CRPPA: variants seen among roughly 807,000 people sequenced by gnomAD.
CRPPA encodes CDP-L-ribitol pyrophosphorylase A, also known as D-ribitol-5-phosphate cytidylyltransferase.
In CRPPA, 43 loss-of-function variants were observed where a neutral mutation model predicts 52.0. The observed-to-expected ratio is 0.83, with a 90% CI of 0.65 to 1.07. The LOEUF is 1.07. Ranked by LOEUF, CRPPA falls within the 50% of genes least tolerant of loss-of-function variation. The pLI is 0.00. For missense variants in CRPPA, 629 were observed against 551.7 expected, an observed-to-expected ratio of 1.14 and a Z score of -1.40; for synonymous variants, 250 against 203.5, an observed-to-expected ratio of 1.23 and a Z score of -1.94.
intron 5 of CRPPA, among the ~76,000 whole-genome samples, chr7:16,279,836 T>A (rs1435422509): frequency 6.6e-6 from 1 of 152,198 alleles, no homozygotes. Context: ...GCTATATTAG[T>A]TTGTTTTCAC....
intron 1 of CRPPA, among the ~76,000 whole-genome samples, chr7:16,412,111 G>A (rs189586654): frequency 6.6e-6 from 1 of 152,106 alleles, no homozygotes; most frequent in Non-Finnish European, 1.5e-5. Flanking sequence ...AAAACAGCCA[G>A]AGTAGATGTA....
intron 9 of CRPPA, among the ~76,000 whole-genome samples, chr7:16,110,018 G>A (rs944590284): frequency 1.6e-4 from 25 of 151,796 alleles, no homozygotes; most frequent in South Asian, 2.1e-4. Flanking sequence ...CACTGTTTGC[G>A]GATGACATGA....
intron 6 of CRPPA, among the ~76,000 whole-genome samples, chr7:16,267,310 G>A (rs983248502): frequency 3.9e-5 from 6 of 152,260 alleles, no homozygotes; most frequent in South Asian, 2.1e-4. Flanking sequence ...TGTATTTCTC[G>A]AATTTCAATG....
At chr7:16,400,759 T>C (rs1787795277) in intron 2 of CRPPA, among the ~76,000 whole-genome samples, 1 of 152,238 alleles carries the variant, frequency 6.6e-6, no homozygotes, top group African/African-American at 2.4e-5. Context: ...ATGACCAATA[T>C]GTGTGATGGA....
chr7:16,302,893 T>G (rs1784820735), intron 4 of CRPPA, among the ~76,000 whole-genome samples: 1 of 152,136 alleles, frequency 6.6e-6, no homozygotes, highest in African/African-American at 2.4e-5. Context: ...AGACTACTGA[T>G]CATGCTAACA....
chr7:16,277,364 C>CAAAAAAAAAAAAAAAAAAAAAAAAAAA (rs35386502), intron 6 of CRPPA: 1 of 77,740 alleles, frequency 1.3e-5, no homozygotes, highest in African/African-American at 5.0e-5. Flanking sequence ...GACTCCATCT[C>CAAAAAAAAAAAAAAAAAAAAAAAAAAA]AAAAAAAAAA....
In CRPPA at chr7:16,096,766, C is replaced by A. The variant is rs142567156; in HGVS notation, c.1252-4967G>T. On this transcript the variant is annotated intron_variant, in intron 9 of 9. Transcript: ENST00000407010. The stretch of plus-strand genomic sequence containing the variant: ...CCAGCTTCACTCTTTTTCTTGGTTA[C>A]AACTATATTATAGCAAAAATAGAGA... 8.0e-4 allele frequency among the ~76,000 whole-genome samples: 122 copies of A among 152,102 alleles called. 2 individuals carry two copies. In the East Asian group the frequency reaches 0.021, roughly 26 times the overall value.
intron 5 of CRPPA, among the ~76,000 whole-genome samples, chr7:16,279,635 A>T (rs890058516): frequency 2.6e-5 from 4 of 152,246 alleles, no homozygotes; most frequent in African/African-American, 9.6e-5. Flanking sequence ...ACTGGAGACA[A>T]GATCAGATAA....
intron 9 of CRPPA, among the ~76,000 whole-genome samples, chr7:16,211,892 G>T (rs1782155325): frequency 6.6e-6 from 1 of 152,130 alleles, no homozygotes; most frequent in South Asian, 2.1e-4. Flanking sequence ...AAGAACAATT[G>T]TACTTACGTC....
At chr7:16,245,000 G>A (rs1469886632) in intron 8 of CRPPA, among the ~76,000 whole-genome samples, 2 of 151,346 alleles carry the variant, frequency 1.3e-5, no homozygotes, top group Non-Finnish European at 2.9e-5. Flanking sequence ...CACTCCTTTT[G>A]ACCATTCTTT....
At chr7:16,315,247 A>C (rs762790772) in intron 3 of CRPPA, among the ~76,000 whole-genome samples, 3 of 152,090 alleles carry the variant, frequency 2.0e-5, no homozygotes, top group Non-Finnish European at 2.9e-5. Flanking sequence ...CTCTGCTTAC[A>C]CTGCCTACAT....
At chr7:16,216,002 T>C (rs975348447) in intron 9 of CRPPA, 64 bp downstream of exon 9, 1 of 1,263,612 alleles carries the variant, frequency 7.9e-7, no homozygotes, top group African/African-American at 1.5e-5. Context: ...TTTTAACAAA[T>C]CAGATACCTA....
chr7:16,300,565 A>T (rs1170115116), intron 5 of CRPPA, among the ~76,000 whole-genome samples: 1 of 152,178 alleles, frequency 6.6e-6, no homozygotes, highest in African/African-American at 2.4e-5. Flanking sequence ...AACATTTGGC[A>T]ATATCAGGAA....
chr7:16,308,527 C>T lies in CRPPA; in HGVS notation c.785G>A (p.Trp262Ter). Reference sequence around the variant, plus strand: ...GCAAGGTATCATCCCTCTTACCTTCCAGAGGTCAGGTGATCCTTCTACAAG... The same window carrying T: ...GCAAGGTATCATCCCTCTTACCTTCTAGAGGTCAGGTGATCCTTCTACAAG... Reference protein sequence around the residue: ...AKLVEGSPDLWKVTYKRDLYA... With the variant: ...AKLVEGSPDL Residue 262 changes from tryptophan to a stop codon, truncating the protein, a stop_gained, in exon 4 of 10, where the codon TGG (tryptophan) becomes TAG (stop). Coordinates refer to ENST00000407010, the MANE Select transcript of CRPPA (RefSeq NM_001101426.4). LOFTEE classifies it high-confidence loss of function. 1 of 1,580,000 alleles carries T rather than the reference C, an allele frequency of 6.3e-7. No individual in the cohort carries two copies. The highest frequency in any genetic ancestry group is 8.7e-7 in the Non-Finnish European group (1 of 1,151,768).
chr7:16,312,744 C>T lies in CRPPA; in HGVS notation c.685-4117G>A, dbSNP rs1225457894. Among the ~76,000 whole-genome samples the T allele has an allele frequency of 2.6e-5, 4 of 151,896 alleles. No individual in the cohort carries two copies. In the East Asian group the frequency reaches 7.7e-4, roughly 29 times the overall value. ...GTGTTCTGTGGATATTTTTTTAAAT[C>T]AAGAAAGATCTCTATTTCTCGTTTT... On this transcript the variant is annotated intron_variant, in intron 3 of 9. Coordinates refer to ENST00000407010, the MANE Select transcript of CRPPA (RefSeq NM_001101426.4).
At chr7:16,373,037 G>T (rs1015405789) in intron 3 of CRPPA, among the ~76,000 whole-genome samples, 1 of 152,256 alleles carries the variant, frequency 6.6e-6, no homozygotes, top group African/African-American at 2.4e-5. Flanking sequence ...GCTCATGCCT[G>T]TAATCCCAAC....
chr7:16,377,076 C>A lies in CRPPA; in HGVS notation c.535-835G>T, dbSNP rs144705214. ...GATTGCAGCATATGAAATTAGTGCACAAGTAAAACAAATGTCTTCTTGATG... is the reference window on the plus strand; with the variant it reads ...GATTGCAGCATATGAAATTAGTGCAAAAGTAAAACAAATGTCTTCTTGATG... On this transcript the variant is annotated intron_variant, in intron 2 of 9. Coordinates refer to ENST00000407010, the MANE Select transcript of CRPPA (RefSeq NM_001101426.4). Among the ~76,000 whole-genome samples the A allele has an allele frequency of 2.6e-5, 4 of 152,250 alleles. No homozygotes were observed. The East Asian group carries it at 7.7e-4, about 29-fold the overall frequency.
intron 3 of CRPPA, among the ~76,000 whole-genome samples, chr7:16,330,624 A>G (rs930708680): frequency 6.6e-6 from 1 of 152,200 alleles, no homozygotes; most frequent in Non-Finnish European, 1.5e-5. Flanking sequence ...AAACCCAGTC[A>G]CAGAGGAGGG....
intron 2 of CRPPA, among the ~76,000 whole-genome samples, chr7:16,388,379 T>C (rs185253690): frequency 1.9e-4 from 29 of 151,272 alleles, no homozygotes; most frequent in African/African-American, 6.8e-4. Flanking sequence ...AATATGAAAA[T>C]GTATGGGGTA....
Sources: gnomAD v4.1 joint callset for allele counts (sites outside exome capture counted in the v4.1 genomes callset) on GRCh38, gnomAD v4.1.1 for gene constraint, MANE v1.5 for transcripts, NCBI Gene and HGNC (gene_info 2026-07-23, HGNC 2026-07-21) for gene names.